The following TRDMT1 variants were observed in gnomAD, a reference collection of about 807,000 sequenced individuals.
TRDMT1 encodes the protein tRNA (cytosine(38)-C(5))-methyltransferase.
Under a neutral mutation model 51.2 loss-of-function variants are expected in TRDMT1, and 49 were observed. The ratio of observed to expected loss-of-function variants is 0.96; its 90% CI spans 0.76 to 1.21. TRDMT1 has a LOEUF of 1.21. Among genes scored for constraint, TRDMT1 ranks in the 50% most tolerant of loss-of-function variants. The pLI is 0.00. For synonymous variants in TRDMT1, 187 were observed against 164.6 expected, an observed-to-expected ratio of 1.14 and a Z score of -1.04; for missense variants, 534 against 462.3, an observed-to-expected ratio of 1.16 and a Z score of -1.42.
At chr10:17,153,388 A>G in intron 10 of TRDMT1, 119 bp downstream of exon 10, 1 of 1,164,468 alleles carries the variant, frequency 8.6e-7, no homozygotes, top group Non-Finnish European at 1.2e-6. Context: ...TGGCATGATC[A>G]GGAAAGGAAA....
chr10:17,139,166 T>C lies in TRDMT1; in HGVS notation c.*9874A>G, dbSNP rs189504235. 2 of 985,212 alleles carry C rather than the reference T, an allele frequency of 2.0e-6. No individual in the cohort carries two copies. The highest frequency in any genetic ancestry group is 1.7e-5 in the African/African-American group (1 of 57,352). 61.0% of individuals were successfully genotyped at this position (985,212 alleles called of 1,614,324 possible). A position where few individuals can be genotyped will look rare whatever the true frequency, so the allele number is the denominator to read the frequency against. On this transcript the variant is annotated 3_prime_UTR_variant, in exon 11 of 11. Coordinates refer to ENST00000377799, the MANE Select transcript of TRDMT1 (RefSeq NM_004412.7). ...TGAAGCAATGAAGCGGAGTTTACCA[T>C]AGGTGAACCCTCCTGCCATCCTGTT...
At chr10:17,198,738 C>A (rs1432815114) in intron 1 of TRDMT1, among the ~76,000 whole-genome samples, 1 of 152,124 alleles carries the variant, frequency 6.6e-6, no homozygotes, top group Non-Finnish European at 1.5e-5. Context: ...GGTTGCACAA[C>A]ATTGTGAATG....
intron 1 of TRDMT1, among the ~76,000 whole-genome samples, 181 bp from the exon 2 acceptor site, chr10:17,174,841 G>A (rs1161076853): frequency 1.3e-5 from 2 of 152,174 alleles, no homozygotes; most frequent in Non-Finnish European, 2.9e-5. Flanking sequence ...TTTGAACATG[G>A]ACTTCTGGTT....
rs1837841761 is a variant in TRDMT1, at chr10:17,143,429, T to C, written c.*5611A>G. The C allele has an allele frequency of 6.1e-6, 6 of 985,344 alleles. No homozygotes were observed. In the South Asian group the frequency reaches 1.4e-4, roughly 23 times the overall value. The allele number at this position is 985,344 out of a possible 1,614,324, so 61.0% of individuals were successfully genotyped here. ...CATTCATAGGATCAGCTCTTAAATATGAAAGTCAACTCATTTCTACTACAC... is the reference window on the plus strand; with the variant it reads ...CATTCATAGGATCAGCTCTTAAATACGAAAGTCAACTCATTTCTACTACAC... On this transcript the variant is annotated 3_prime_UTR_variant, in exon 11 of 11. Transcript: ENST00000377799.
intron 1 of TRDMT1, among the ~76,000 whole-genome samples, chr10:17,181,028 A>C (rs1262294762): frequency 6.6e-6 from 1 of 152,178 alleles, no homozygotes; most frequent in Non-Finnish European, 1.5e-5. Context: ...TTATTTGCAT[A>C]TCCCAACATT....
At position 17,201,585 on chromosome 10, in the gene TRDMT1, T is replaced by A; in HGVS notation, c.50A>T (p.His17Leu). The stretch of plus-strand genomic sequence containing the variant: ...TGGACTCTCACCTCTCAGCGCGTGG[T>A]GCATGCCGCCCACGCCGCTGTATAG... ...LELYSGVGGMHHALRESCIPA... is the reference protein window; with the variant it reads ...LELYSGVGGMLHALRESCIPA... The change falls in exon 1 of 11, where the codon CAC becomes CTC. Residue 17 changes from histidine (H) to leucine (L), a missense_variant. Physicochemically the swap from His to Leu is moderately conservative, Grantham distance 99. Coordinates refer to ENST00000377799, the MANE Select transcript of TRDMT1 (RefSeq NM_004412.7). 1 of 1,549,530 alleles carries A rather than the reference T, an allele frequency of 6.5e-7. No homozygotes were observed. The highest frequency in any genetic ancestry group is 8.7e-7 in the Non-Finnish European group (1 of 1,146,162).
intron 3 of TRDMT1, among the ~76,000 whole-genome samples, chr10:17,164,357 TG>T (rs1840862343): frequency 6.6e-6 from 1 of 152,180 alleles, no homozygotes; most frequent in Non-Finnish European, 1.5e-5. Flanking sequence ...TAGGTATTGA[TG>T]GGACATATCT....
intron 1 of TRDMT1, among the ~76,000 whole-genome samples, chr10:17,194,513 CT>C (rs1845114360): frequency 6.6e-6 from 1 of 152,128 alleles, no homozygotes; most frequent in Non-Finnish European, 1.5e-5. Context: ...TGAACAGATA[CT>C]TCTCAAAAGA....
rs546007722 is a variant in TRDMT1, at chr10:17,197,991, G to A, written c.64+3580C>T. On this transcript the variant is annotated intron_variant, in intron 1 of 10. Coordinates refer to ENST00000377799, the MANE Select transcript of TRDMT1 (RefSeq NM_004412.7). ...GGAGGTTGCAGTGAACTGAGATCGC[G>A]CCACTGCACTCCAGCCTGGGCAAGA... Among the ~76,000 whole-genome samples the A allele has an allele frequency of 7.9e-5, 12 of 151,264 alleles. No individual in the cohort carries two copies. In the South Asian group the frequency reaches 2.5e-3, roughly 32 times the overall value.
chr10:17,153,130 A>G, intron 10 of TRDMT1: 1 of 314,704 alleles, frequency 3.2e-6, no homozygotes, highest in South Asian at 1.3e-4. Context: ...TAAAAAGCCA[A>G]TCGAAAGCAT....
At chr10:17,169,905 T>G (rs1178150525) in intron 2 of TRDMT1, among the ~76,000 whole-genome samples, 1 of 152,152 alleles carries the variant, frequency 6.6e-6, no homozygotes, top group East Asian at 1.9e-4. Context: ...GACTCCCCAG[T>G]GTTAAGGAAA....
At chr10:17,152,817 C>CT (rs1453460421) in intron 10 of TRDMT1, 1 of 152,496 alleles carries the variant, frequency 6.6e-6, no homozygotes, top group Non-Finnish European at 1.5e-5. Context: ...GGAATTAGGC[C>CT]TTTGACTTTC....
Position 17,147,563 on chromosome 10 carries a change from T to G in TRDMT1, c.*1477A>C. On this transcript the variant is annotated 3_prime_UTR_variant, in exon 11 of 11. Transcript: ENST00000377799. ...TCCATTATGCACTAACTACCCATTC[T>G]CCATCCCCACAGGGTGGCTTATTTC... 1 of 164,272 alleles carries G rather than the reference T, an allele frequency of 6.1e-6. No homozygotes were observed. Among genetic ancestry groups the G allele is most frequent in the Non-Finnish European group, 1.3e-5 (1 of 78,948 alleles). The allele number at this position is 164,272 out of a possible 1,614,324, so 10.2% of individuals were successfully genotyped here.
chr10:17,174,263 GA>G (rs1310578105), intron 2 of TRDMT1, among the ~76,000 whole-genome samples: 11 of 151,962 alleles, frequency 7.2e-5, no homozygotes, highest in Non-Finnish European at 1.3e-4. Context: ...ATACTTTTTC[GA>G]AGTTCAATAT....
rs1163211201 is a variant in TRDMT1 at position 17,160,315 on chromosome 10, G to A, written c.449C>T (p.Ser150Phe). 2 of 1,559,754 alleles carry A rather than the reference G, an allele frequency of 1.3e-6. No homozygotes were observed. Among genetic ancestry groups the A allele is most frequent in the Non-Finnish European group, 1.7e-6 (2 of 1,154,128 alleles). Reference protein sequence around the residue: ...CGFQYQEFLLSPTSLGIPNSR... With the variant: ...CGFQYQEFLLFPTSLGIPNSR... ...AACTGTGATACCTACAGAGGTTGGA[G>A]ATAATAGAAACTCTTGGTACTGAAA... The change falls in exon 6 of 11, where the codon TCT (serine) becomes TTT (phenylalanine). Residue 150 changes from serine (S) to phenylalanine (F), a missense_variant. Coordinates refer to ENST00000377799, the MANE Select transcript of TRDMT1 (RefSeq NM_004412.7).
chr10:17,167,748 C>T (rs148931942), intron 3 of TRDMT1, among the ~76,000 whole-genome samples: 1 of 152,238 alleles, frequency 6.6e-6, no homozygotes, highest in East Asian at 1.9e-4. Context: ...GCATGCTTAA[C>T]TAGCTTTTAA....
At position 17,148,866 on chromosome 10, in the gene TRDMT1, A is replaced by C; in HGVS notation, c.*174T>G. 1 of 1,225,458 alleles carries C rather than the reference A, an allele frequency of 8.2e-7. No individual in the cohort carries two copies. Among genetic ancestry groups the C allele is most frequent in the South Asian group, 2.1e-5 (1 of 46,630 alleles). 75.9% of individuals were successfully genotyped at this position (1,225,458 alleles called of 1,614,324 possible). ...TAGTTCGTATTTTATAAAATACAGTAATATAAATTTGATGAAACACATGGA... is the reference window on the plus strand; with the variant it reads ...TAGTTCGTATTTTATAAAATACAGTCATATAAATTTGATGAAACACATGGA... On this transcript the variant is annotated 3_prime_UTR_variant, in exon 11 of 11. Coordinates refer to ENST00000377799, the MANE Select transcript of TRDMT1 (RefSeq NM_004412.7).
At chr10:17,171,118 T>TGTGC (rs1554760359) in intron 2 of TRDMT1, among the ~76,000 whole-genome samples, 32 of 151,650 alleles carry the variant, frequency 2.1e-4, no homozygotes, top group African/African-American at 6.5e-4. Context: ...TAGATGTGTG[T>TGTGC]GTGTGTGTGT....
At chr10:17,182,143 C>T (rs1053125978) in intron 1 of TRDMT1, among the ~76,000 whole-genome samples, 2 of 152,126 alleles carry the variant, frequency 1.3e-5, no homozygotes, top group East Asian at 1.9e-4. Flanking sequence ...TTTCTTACCA[C>T]GTTAAACCTT....
Sources: allele counts gnomAD v4.1 joint callset (sites outside exome capture counted in the v4.1 genomes callset), GRCh38; gene constraint gnomAD v4.1.1; transcripts MANE v1.5; gene names NCBI Gene and HGNC (gene_info 2026-07-23, HGNC 2026-07-21).